FAM135A: variants seen among roughly 807,000 people sequenced by gnomAD.
FAM135A encodes the protein protein FAM135A.
Under a neutral mutation model 146.8 loss-of-function variants are expected in FAM135A, and 79 were observed. That is an observed-to-expected ratio of 0.54 (90% CI 0.45 to 0.65). The LOEUF (loss-of-function observed/expected upper bound fraction) is 0.65. Among genes scored for constraint, FAM135A ranks in the 30% least tolerant of loss-of-function variants. FAM135A has a pLI of 0.00. For missense variants in FAM135A, 1,623 were observed against 1,758.2 expected (o/e 0.92, Z 1.38); for synonymous variants, 562 against 603.6 (o/e 0.93, Z 1.01).
chr6:70,447,895 C>G (rs1776161414), intron 4 of FAM135A, among the ~76,000 whole-genome samples: 1 of 152,148 alleles, frequency 6.6e-6, no homozygotes, highest in African/African-American at 2.4e-5. Flanking sequence ...ACTGCTGTTG[C>G]CTGTGCTAGC....
chr6:70,445,747 A>G (rs1475662282), intron 4 of FAM135A, among the ~76,000 whole-genome samples: 1 of 151,710 alleles, frequency 6.6e-6, no homozygotes, highest in Non-Finnish European at 1.5e-5. Context: ...TAAACCCACA[A>G]CCTTCCAGCA....
At position 70,475,531 on chromosome 6, in the gene FAM135A, G is replaced by A. The variant is rs1414837433; in HGVS notation, c.279G>A (p.Met93Ile). 6.3e-7 allele frequency: 1 copy of A among 1,594,658 alleles called. No homozygotes were observed. Among genetic ancestry groups the A allele is most frequent in the East Asian group, 2.2e-5 (1 of 44,512 alleles). Reference sequence around the variant, plus strand: ...ATGTTATGATCTTCAAAGTAAAAATGCTATTGGATGAAAGAAAGGTAAACA... The same window carrying A: ...ATGTTATGATCTTCAAAGTAAAAATACTATTGGATGAAAGAAAGGTAAACA... ...LNDVMIFKVK[M>I]LLDERKIEET... The change falls in exon 6 of 22, where the codon ATG (methionine) becomes ATA (isoleucine). Residue 93 changes from methionine (M) to isoleucine (I), a missense_variant. By Grantham distance (10) the Met-to-Ile change is conservative. This residue lies in a region of FAM135A where 171 missense variants were observed against 164.9 expected (regional missense o/e 1.04). Transcript: ENST00000418814.
At chr6:70,451,542 T>A (rs1777084432) in intron 4 of FAM135A, among the ~76,000 whole-genome samples, 1 of 152,214 alleles carries the variant, frequency 6.6e-6, no homozygotes, top group South Asian at 2.1e-4. Flanking sequence ...CTCATGCCCC[T>A]TTAAAGCCAT....
chr6:70,502,704 G>A lies in FAM135A; in HGVS notation c.942G>A (p.Leu314=), dbSNP rs752155865. The change falls in exon 12 of 22, where the codon TTG becomes TTA. Residue 314 remains leucine, a synonymous_variant. Coordinates refer to ENST00000418814, the MANE Select transcript of FAM135A (RefSeq NM_001162529.3). ...ATCTTGCGCAACTTTGCTCACTTTTGATGGCTTTATGGGGACAGTTTCTGG... is the reference window on the plus strand; with the variant it reads ...ATCTTGCGCAACTTTGCTCACTTTTAATGGCTTTATGGGGACAGTTTCTGG... ...NMNLAQLCSL[L]MALWGQFLEV... 15 of 1,613,322 alleles carry A rather than the reference G, an allele frequency of 9.3e-6. No individual in the cohort carries two copies. The South Asian group carries it at 1.3e-4, about 14-fold the overall frequency.
At chr6:70,442,239 G>GTTTT (rs1264461872) in intron 4 of FAM135A, among the ~76,000 whole-genome samples, 1 of 125,964 alleles carries the variant, frequency 7.9e-6, no homozygotes, top group Non-Finnish European at 1.7e-5. Flanking sequence ...TTCTTCATGG[G>GTTTT]TTTTTTTTTT....
chr6:70,559,678 T>C lies in FAM135A; in HGVS notation c.4343-38T>C, dbSNP rs774031161. On this transcript the variant is annotated intron_variant, in intron 21 of 21. Transcript: ENST00000418814. Reference sequence around the variant, plus strand: ...ATAGTTTTTTTATTTTCAGTTACTATTGTGAACTAATTTTCCTTTTTTCTG... The same window carrying C: ...ATAGTTTTTTTATTTTCAGTTACTACTGTGAACTAATTTTCCTTTTTTCTG... The C allele has an allele frequency of 8.5e-6, 13 of 1,527,980 alleles. No individual in the cohort carries two copies. In the African/African-American group the frequency reaches 1.8e-4, roughly 21 times the overall value. The allele number at this position is 1,527,980 out of a possible 1,614,324, so 94.7% of individuals were successfully genotyped here.
intron 12 of FAM135A, chr6:70,504,107 G>C (rs972951722): frequency 1.3e-5 from 2 of 152,118 alleles, no homozygotes; most frequent in African/African-American, 4.8e-5. Context: ...AGCACAGTTT[G>C]TTACTCCACA....
chr6:70,493,250 C>G (rs950126756), intron 11 of FAM135A, among the ~76,000 whole-genome samples: 1 of 151,392 alleles, frequency 6.6e-6, no homozygotes, highest in African/African-American at 2.4e-5. Flanking sequence ...AACTAAAAAG[C>G]TGTTTGTGTA....
intron 11 of FAM135A, among the ~76,000 whole-genome samples, chr6:70,499,352 C>T (rs1354745937): frequency 6.6e-6 from 1 of 152,062 alleles, no homozygotes; most frequent in African/African-American, 2.4e-5. Flanking sequence ...TCCTCCATCC[C>T]TTTATTTTGA....
intron 4 of FAM135A, among the ~76,000 whole-genome samples, chr6:70,439,205 G>GACATGGAC (rs925646237): frequency 4.6e-5 from 7 of 152,166 alleles, no homozygotes; most frequent in Admixed American, 2.0e-4. Flanking sequence ...GTAGGTGGGA[G>GACATGGAC]ACATGGACCC....
At chr6:70,548,751 A>T (rs964138841) in intron 20 of FAM135A, among the ~76,000 whole-genome samples, 1 of 152,150 alleles carries the variant, frequency 6.6e-6, no homozygotes, top group Non-Finnish European at 1.5e-5. Context: ...AGTTTTAATG[A>T]TCATGTAATC....
At chr6:70,518,390 G>A (rs1169077269) in intron 12 of FAM135A, among the ~76,000 whole-genome samples, 3 of 152,216 alleles carry the variant, frequency 2.0e-5, no homozygotes, top group Non-Finnish European at 2.9e-5. Context: ...TAACATAAAA[G>A]TGTGAGGTAA....
intron 2 of FAM135A, among the ~76,000 whole-genome samples, chr6:70,420,423 A>T (rs1178666050): frequency 6.6e-6 from 1 of 152,184 alleles, no homozygotes; most frequent in African/African-American, 2.4e-5. Flanking sequence ...TTGTTTTAGG[A>T]TCACTGTGGA....
At chr6:70,514,569 T>C (rs1239124278) in intron 12 of FAM135A, among the ~76,000 whole-genome samples, 1 of 152,160 alleles carries the variant, frequency 6.6e-6, no homozygotes, top group Admixed American at 6.5e-5. Flanking sequence ...TATCGGAGAA[T>C]TAAGGTCACA....
intron 5 of FAM135A, among the ~76,000 whole-genome samples, chr6:70,467,718 CCTTTT>C (rs1780744314): frequency 1.3e-5 from 2 of 151,886 alleles, no homozygotes; most frequent in African/African-American, 2.4e-5. Context: ...CTTCTTTTCT[CCTTTT>C]CTTCTCTCCT....
rs71538422 is a variant in FAM135A at position 70,526,766 on chromosome 6, T to TACACAC, written c.3614+100_3614+105dup. 1.7e-3 allele frequency: 778 copies of TACACAC among 452,560 alleles called. 1 individual carries two copies. Among genetic ancestry groups the TACACAC allele is most frequent in the African/African-American group, 6.4e-3 (257 of 40,270 alleles). The allele number at this position is 452,560 out of a possible 1,614,324, so 28.0% of individuals were successfully genotyped here. On this transcript the variant is annotated intron_variant, in intron 15 of 21. Transcript: ENST00000418814. ...ATATATATATACACACACACACACA[T>TACACAC]ACACACACACACACACACACACACA...
chr6:70,452,593 A>C, intron 5 of FAM135A, 22 bp downstream of exon 5: 2 of 1,530,326 alleles, frequency 1.3e-6, no homozygotes, highest in Non-Finnish European at 1.8e-6. Context: ...AATACATTCA[A>C]ATTTAAAAAG....
At chr6:70,526,803 A>G in intron 15 of FAM135A, 105 bp downstream of exon 15, 1 of 819,958 alleles carries the variant, frequency 1.2e-6, no homozygotes, top group Non-Finnish European at 1.7e-6. Flanking sequence ...ACACACACAC[A>G]TATATATATA....
intron 21 of FAM135A, chr6:70,557,407 C>G (rs1051143412): frequency 6.5e-6 from 1 of 153,374 alleles, no homozygotes; most frequent in East Asian, 1.9e-4. Context: ...GGTCAAGAAC[C>G]TGGTCTCCGG....
Sources: gnomAD v4.1 joint callset for allele counts (sites outside exome capture counted in the v4.1 genomes callset) on GRCh38, gnomAD v4.1.1 for gene constraint, gnomAD v4.1.1 regional missense constraint, MANE v1.5 for transcripts, NCBI Gene and HGNC (gene_info 2026-07-23, HGNC 2026-07-21) for gene names.